The following CFAP299 variants were observed in gnomAD, a reference collection of about 807,000 sequenced individuals.
CFAP299 encodes cilia- and flagella-associated protein 299.
CFAP299 carries 21 observed loss-of-function variants against 27.0 expected under a neutral mutation model. The observed-to-expected ratio is 0.78, with a 90% confidence interval of 0.55 to 1.12. The LOEUF is 1.12. Among genes scored for constraint, CFAP299 ranks in the 50% most tolerant of loss-of-function variants. CFAP299 has a pLI of 0.00. For missense variants in CFAP299, 310 were observed against 276.6 expected, an observed-to-expected ratio of 1.12 and a Z score of -0.86; for synonymous variants, 104 against 98.1, an observed-to-expected ratio of 1.06 and a Z score of -0.36.
intron 1 of CFAP299, among the ~76,000 whole-genome samples, chr4:80,361,318 A>G (rs1264830114): frequency 6.6e-6 from 1 of 152,230 alleles, no homozygotes; most frequent in Non-Finnish European, 1.5e-5. Context: ...TTATTATGCA[A>G]AATTCTATGT....
chr4:80,578,953 C>A (rs536167494), intron 2 of CFAP299, among the ~76,000 whole-genome samples: 2 of 152,120 alleles, frequency 1.3e-5, no homozygotes, highest in African/African-American at 4.8e-5. Context: ...CCAAGCCAAT[C>A]GCACAAGAGC....
chr4:80,345,323 G>A (rs548263768), intron 1 of CFAP299, among the ~76,000 whole-genome samples: 10 of 151,656 alleles, frequency 6.6e-5, no homozygotes, highest in African/African-American at 9.7e-5. Context: ...TGTGCATAAC[G>A]TGCAGGTTTG....
intron 3 of CFAP299, among the ~76,000 whole-genome samples, chr4:80,810,903 G>A (rs1408937728): frequency 6.6e-6 from 1 of 152,074 alleles, no homozygotes; most frequent in Non-Finnish European, 1.5e-5. Context: ...CCCCTGTTCT[G>A]AACCTTCAGC....
At chr4:80,689,435 C>A (rs1205209399) in intron 3 of CFAP299, among the ~76,000 whole-genome samples, 1 of 152,124 alleles carries the variant, frequency 6.6e-6, no homozygotes, top group Non-Finnish European at 1.5e-5. Context: ...TCATATCCAG[C>A]CAAACTAAGC....
At chr4:80,723,306 G>A (rs181099307) in intron 3 of CFAP299, among the ~76,000 whole-genome samples, 5 of 152,214 alleles carry the variant, frequency 3.3e-5, no homozygotes, top group Admixed American at 3.3e-4. Flanking sequence ...ATGGTTATTG[G>A]AGCATTATTT....
At chr4:80,628,730 C>T (rs888860679) in intron 3 of CFAP299, among the ~76,000 whole-genome samples, 7 of 152,106 alleles carry the variant, frequency 4.6e-5, no homozygotes, top group African/African-American at 1.7e-4. Context: ...GAAACAAAAG[C>T]TCAATATTAC....
chr4:80,727,441 A>G (rs1165690350), intron 3 of CFAP299, among the ~76,000 whole-genome samples: 1 of 152,122 alleles, frequency 6.6e-6, no homozygotes, highest in African/African-American at 2.4e-5. Context: ...ACATGCTATA[A>G]TCATGTTTTA....
intron 3 of CFAP299, among the ~76,000 whole-genome samples, chr4:80,587,804 C>A (rs1023846241): frequency 6.6e-6 from 1 of 152,116 alleles, no homozygotes; most frequent in Non-Finnish European, 1.5e-5. Context: ...TTTGCCCAGG[C>A]TAGTCTTGAA....
intron 2 of CFAP299, among the ~76,000 whole-genome samples, chr4:80,566,583 A>C (rs1735298752): frequency 6.6e-6 from 1 of 152,076 alleles, no homozygotes; most frequent in African/African-American, 2.4e-5. Context: ...CAGCTTTCTA[A>C]AGCCTCACTT....
rs567377039 is a variant in CFAP299, at chr4:80,931,728, A to G, written c.477-13082A>G. ...CTAATTTTAACATGCACGCACACAC[A>G]CACACACACACGCACACACGCACAC... On this transcript the variant is annotated intron_variant, in intron 4 of 5. Coordinates refer to ENST00000358105, the MANE Select transcript of CFAP299 (RefSeq NM_152770.3). Among the ~76,000 whole-genome samples, 64 of 151,958 alleles carry G rather than the reference A, an allele frequency of 4.2e-4. 1 individual carries two copies. Among genetic ancestry groups the G allele is most frequent in the African/African-American group, 1.4e-3 (59 of 41,458 alleles).
intron 3 of CFAP299, among the ~76,000 whole-genome samples, chr4:80,613,831 A>G (rs1355821789): frequency 6.6e-6 from 1 of 152,208 alleles, no homozygotes; most frequent in Non-Finnish European, 1.5e-5. Flanking sequence ...TTGTACTTGC[A>G]AAGACTAATG....
intron 3 of CFAP299, among the ~76,000 whole-genome samples, chr4:80,682,351 A>T (rs1358881907): frequency 6.6e-6 from 1 of 152,064 alleles, no homozygotes; most frequent in Non-Finnish European, 1.5e-5. Context: ...ACTCTTTTGA[A>T]CCTACCTTCT....
chr4:80,896,246 C>A (rs1734603707), intron 4 of CFAP299, among the ~76,000 whole-genome samples: 1 of 151,782 alleles, frequency 6.6e-6, no homozygotes, highest in South Asian at 2.1e-4. Flanking sequence ...TTTAAAAATA[C>A]CAAAATATCC....
intron 2 of CFAP299, among the ~76,000 whole-genome samples, chr4:80,434,726 T>TA (rs1727982425): frequency 6.6e-6 from 1 of 152,178 alleles, no homozygotes; most frequent in Non-Finnish European, 1.5e-5. Flanking sequence ...TTTGGGTGCA[T>TA]AAAGAGGTAT....
At chr4:80,612,600 G>A (rs1366295618) in intron 3 of CFAP299, among the ~76,000 whole-genome samples, 1 of 152,012 alleles carries the variant, frequency 6.6e-6, no homozygotes, top group Non-Finnish European at 1.5e-5. Context: ...ATTTGAGAAG[G>A]TGAATTGTCC....
At chr4:80,791,494 TA>T (rs1482066741) in intron 3 of CFAP299, among the ~76,000 whole-genome samples, 1 of 152,092 alleles carries the variant, frequency 6.6e-6, no homozygotes, top group African/African-American at 2.4e-5. Context: ...TATTAGCAAT[TA>T]TAGCAATTGT....
chr4:80,784,674 C>T (rs1309179468), intron 3 of CFAP299, among the ~76,000 whole-genome samples: 1 of 151,968 alleles, frequency 6.6e-6, no homozygotes, highest in Non-Finnish European at 1.5e-5. Flanking sequence ...TGTGCCACCA[C>T]GCCCAGCTAA....
intron 3 of CFAP299, among the ~76,000 whole-genome samples, chr4:80,719,008 G>T (rs368990789): frequency 3.3e-5 from 5 of 152,090 alleles, no homozygotes; most frequent in African/African-American, 1.2e-4. Context: ...GATGGAGTTT[G>T]GGGGCCATTA....
At chr4:80,376,920 G>A (rs1560536740) in intron 2 of CFAP299, among the ~76,000 whole-genome samples, 1 of 152,124 alleles carries the variant, frequency 6.6e-6, no homozygotes, top group Non-Finnish European at 1.5e-5. Flanking sequence ...CTCCCAAAGT[G>A]AGCATCTTTT....
Sources: allele counts gnomAD v4.1 joint callset (sites outside exome capture counted in the v4.1 genomes callset), GRCh38; gene constraint gnomAD v4.1.1; transcripts MANE v1.5; gene names NCBI Gene and HGNC (gene_info 2026-07-23, HGNC 2026-07-21).